The following SNX29 variants were observed in gnomAD, a reference collection of about 807,000 sequenced individuals.
SNX29 encodes sorting nexin 29.
In SNX29, 78 loss-of-function variants were observed where a neutral mutation model predicts 102.1. The observed-to-expected ratio is 0.76, with a 90% CI of 0.64 to 0.92. SNX29 has a LOEUF of 0.92. Ranked by LOEUF, SNX29 falls within the 40% of genes least tolerant of loss-of-function variation. SNX29 has a pLI of 0.00. For synonymous variants in SNX29, 580 were observed against 414.5 expected (o/e 1.40, Z -4.85); for missense variants, 1,280 against 1,061.7 (o/e 1.21, Z -2.86).
At chr16:12,052,527 CT>C in intron 8 of SNX29, 1 of 340,114 alleles carries the variant, frequency 2.9e-6, no homozygotes, top group Non-Finnish European at 5.6e-6. Context: ...TTCCCTTGCA[CT>C]TTTAATGAGG....
intron 18 of SNX29, among the ~76,000 whole-genome samples, chr16:12,458,200 G>A (rs1567583909): frequency 6.6e-6 from 1 of 152,180 alleles, no homozygotes; most frequent in African/African-American, 2.4e-5. Flanking sequence ...TGGCAGCCAC[G>A]TTCCATCTGT....
chr16:12,504,706 T>C (rs1234250397), intron 19 of SNX29, among the ~76,000 whole-genome samples: 1 of 152,232 alleles, frequency 6.6e-6, no homozygotes, highest in Non-Finnish European at 1.5e-5. Context: ...TCTATTTGAT[T>C]ATTGTTGTTA....
At chr16:12,458,786 G>A (rs376948407) in intron 18 of SNX29, among the ~76,000 whole-genome samples, 2 of 152,124 alleles carry the variant, frequency 1.3e-5, no homozygotes, top group Non-Finnish European at 2.9e-5. Flanking sequence ...GCACACATGC[G>A]CAGAGGCAGG....
chr16:12,512,907 C>A (rs533887732), intron 19 of SNX29, among the ~76,000 whole-genome samples: 1 of 152,222 alleles, frequency 6.6e-6, no homozygotes, highest in African/African-American at 2.4e-5. Context: ...CTTCCCAGTC[C>A]GTCACCAAAG....
At chr16:12,245,492 T>G (rs1459547462) in intron 14 of SNX29, among the ~76,000 whole-genome samples, 1 of 151,994 alleles carries the variant, frequency 6.6e-6, no homozygotes, top group Non-Finnish European at 1.5e-5. Context: ...GATTTTTTTT[T>G]TTGTAATGTA....
chr16:12,331,429 C>T (rs1036999859), intron 15 of SNX29, among the ~76,000 whole-genome samples: 7 of 152,156 alleles, frequency 4.6e-5, no homozygotes, highest in African/African-American at 1.7e-4. Flanking sequence ...GCATAGCGTA[C>T]GTATAGGTGC....
chr16:12,427,387 G>A (rs1203885734), intron 18 of SNX29, among the ~76,000 whole-genome samples: 1 of 152,088 alleles, frequency 6.6e-6, no homozygotes, highest in Non-Finnish European at 1.5e-5. Flanking sequence ...TGCCACCTCT[G>A]ATAGGAACCA....
chr16:12,060,900 C>T, intron 8 of SNX29: 2 of 456,044 alleles, frequency 4.4e-6, no homozygotes, highest in South Asian at 3.1e-5. Context: ...GACTCCCTTT[C>T]TTGGAAGGGA....
intron 18 of SNX29, among the ~76,000 whole-genome samples, chr16:12,469,595 A>G (rs569279927): frequency 6.6e-6 from 1 of 152,316 alleles, no homozygotes; most frequent in South Asian, 2.1e-4. Context: ...GGTGGAAAAG[A>G]TGTGGTATAG....
intron 13 of SNX29, among the ~76,000 whole-genome samples, chr16:12,174,634 G>T (rs995513594): frequency 6.6e-6 from 1 of 152,186 alleles, no homozygotes; most frequent in Non-Finnish European, 1.5e-5. Context: ...CAGTTTTCAA[G>T]GCAGCATTTG....
chr16:12,323,739 C>G (rs1189104301), intron 15 of SNX29, among the ~76,000 whole-genome samples: 2 of 152,114 alleles, frequency 1.3e-5, no homozygotes, highest in Admixed American at 1.3e-4. Flanking sequence ...GCCAGGTGGC[C>G]TGGAGTTTGA....
intron 11 of SNX29, among the ~76,000 whole-genome samples, chr16:12,103,701 T>A (rs1371237017): frequency 1.3e-5 from 2 of 152,188 alleles, no homozygotes; most frequent in East Asian, 3.8e-4. Context: ...TGGGATCTAA[T>A]TAAACTACAG....
Position 12,051,982 on chromosome 16 carries a change from A to T in SNX29, c.884A>T (p.Asn295Ile), listed in dbSNP as rs1219575703. 7 of 1,613,782 alleles carry T rather than the reference A, an allele frequency of 4.3e-6. No homozygotes were observed. In the Admixed American group the frequency reaches 1.0e-4, roughly 23 times the overall value. ...TPGAGESSEDNSDRSSVNIMS... is the reference protein window; with the variant it reads ...TPGAGESSEDISDRSSVNIMS... Reference sequence around the variant, plus strand: ...GGGGCAGGGGAGAGCTCAGAGGACAACTCCGACCGCTCCTCTGTCAATATC... The same window carrying T: ...GGGGCAGGGGAGAGCTCAGAGGACATCTCCGACCGCTCCTCTGTCAATATC... The change falls in exon 8 of 21, where the codon AAC becomes ATC. Residue 295 changes from asparagine to isoleucine, a missense_variant. By Grantham distance (149) the Asn-to-Ile change is moderately radical (BLOSUM62 -3). Coordinates refer to ENST00000566228, the MANE Select transcript of SNX29 (RefSeq NM_032167.5).
intron 20 of SNX29, chr16:12,556,519 G>C (rs1049851629): frequency 2.6e-5 from 4 of 152,454 alleles, no homozygotes; most frequent in African/African-American, 9.6e-5. Flanking sequence ...GTTGCCAGAG[G>C]AAGTGACGAT....
chr16:12,273,865 C>T (rs922099956), intron 14 of SNX29, among the ~76,000 whole-genome samples: 6 of 152,162 alleles, frequency 3.9e-5, no homozygotes, highest in African/African-American at 1.2e-4. Context: ...TGGCTTCTTT[C>T]CCCTGGCTGA....
At chr16:12,303,543 T>A (rs1461362801) in intron 15 of SNX29, among the ~76,000 whole-genome samples, 1 of 152,146 alleles carries the variant, frequency 6.6e-6, no homozygotes, top group African/African-American at 2.4e-5. Flanking sequence ...GGAGGTAGGT[T>A]AAGAATTCAC....
chr16:12,571,319 G>C lies in SNX29; in HGVS notation c.*2690G>C, dbSNP rs776541314. ...CACCCTGGAAATGTGTCAACTGCCT[G>C]TCAGCCTGGATTCAATTCTGAGGGC... On this transcript the variant is annotated 3_prime_UTR_variant, in exon 21 of 21. Transcript: ENST00000566228. The C allele has an allele frequency of 4.3e-6, 1 of 231,408 alleles. No individual in the cohort carries two copies. The highest frequency in any genetic ancestry group is 1.8e-4 in the South Asian group (1 of 5,522). 14.3% of individuals were successfully genotyped at this position (231,408 alleles called of 1,614,324 possible).
chr16:12,501,275 GC>G (rs2151893422), intron 19 of SNX29, among the ~76,000 whole-genome samples: 1 of 152,148 alleles, frequency 6.6e-6, no homozygotes, highest in East Asian at 1.9e-4. Context: ...GTGGTGGTGT[GC>G]CCCTGTACCT....
At chr16:12,263,232 A>G (rs1408868575) in intron 14 of SNX29, among the ~76,000 whole-genome samples, 3 of 151,760 alleles carry the variant, frequency 2.0e-5, no homozygotes, top group South Asian at 2.1e-4. Flanking sequence ...CCTGGGTTCA[A>G]GTGATTCTTC....
Sources: gnomAD v4.1 joint callset for allele counts (sites outside exome capture counted in the v4.1 genomes callset) on GRCh38, gnomAD v4.1.1 for gene constraint, MANE v1.5 for transcripts, NCBI Gene and HGNC (gene_info 2026-07-23, HGNC 2026-07-21) for gene names.